Variants in CPEB3 observed in about 807,000 individuals in gnomAD.
CPEB3 encodes the protein cytoplasmic polyadenylation element binding protein 3, also known as cytoplasmic polyadenylation element-binding protein 3.
CPEB3 carries 20 observed loss-of-function variants against 67.2 expected under a neutral mutation model. That is an observed-to-expected ratio of 0.30 (90% CI 0.21 to 0.43). CPEB3 has a LOEUF of 0.43. CPEB3 is among the 20% of genes least tolerant of loss of function. The pLI, the probability that CPEB3 is intolerant of heterozygous loss-of-function variation, is 1.00. For synonymous variants in CPEB3, 376 were observed against 393.1 expected (o/e 0.96, Z 0.51); for missense variants, 746 against 968.6 (o/e 0.77, Z 3.05).
chr10:92,221,071 A>C (rs967174246), intron 2 of CPEB3, among the ~76,000 whole-genome samples: 1 of 152,228 alleles, frequency 6.6e-6, no homozygotes, highest in East Asian at 1.9e-4. Flanking sequence ...CCACCAAATA[A>C]GTGAATGCAG....
intron 3 of CPEB3, among the ~76,000 whole-genome samples, chr10:92,190,392 G>A (rs1247716777): frequency 6.6e-5 from 10 of 151,958 alleles, no homozygotes; most frequent in Non-Finnish European, 1.0e-4. Flanking sequence ...GAGGCTGGGC[G>A]CAGTGGCTCA....
At position 92,153,713 on chromosome 10, in the gene CPEB3, G is replaced by A. The variant is rs138804674; in HGVS notation, c.1223-8628C>T. ...GGCGAATTGCTTGAACTTGGGAGGCGGAGGCTGCAGTGAGCCAAGATTGCA... is the reference window on the plus strand; with the variant it reads ...GGCGAATTGCTTGAACTTGGGAGGCAGAGGCTGCAGTGAGCCAAGATTGCA... On this transcript the variant is annotated intron_variant, in intron 4 of 9. Coordinates refer to ENST00000265997, the MANE Select transcript of CPEB3 (RefSeq NM_014912.5). Among the ~76,000 whole-genome samples the A allele has an allele frequency of 5.8e-3, 878 of 152,208 alleles. 9 individuals carry two copies. The highest frequency in any genetic ancestry group is 0.02 in the African/African-American group (823 of 41,542).
intron 4 of CPEB3, among the ~76,000 whole-genome samples, chr10:92,149,305 A>G (rs1724310258): frequency 6.6e-6 from 1 of 152,226 alleles, no homozygotes; most frequent in South Asian, 2.1e-4. Flanking sequence ...GATACCTATG[A>G]CCATGTTGTC....
intron 2 of CPEB3, chr10:92,216,649 C>G: frequency 6.2e-7 from 1 of 1,607,272 alleles, no homozygotes; most frequent in Non-Finnish European, 8.5e-7. Context: ...TGCCCTATGT[C>G]TATATCCCCT....
rs751979746 is a variant in CPEB3 at position 92,058,588 on chromosome 10, CATACAT to C, written c.1870-6155_1870-6150del. On this transcript the variant is annotated intron_variant, in intron 9 of 9. Transcript: ENST00000265997. Reference sequence around the variant, plus strand: ...ACATACATACATACATACATACATACATACATATATATATATATATAAATTAATTAT... The same window carrying C: ...ACATACATACATACATACATACATACATATATATATATATAAATTAATTAT... Among the ~76,000 whole-genome samples, 157 of 123,962 alleles carry C rather than the reference CATACAT, an allele frequency of 1.3e-3. 1 individual carries two copies. Among genetic ancestry groups the C allele is most frequent in the Middle Eastern group, 8.0e-3 (2 of 250 alleles). 81.3% of individuals were successfully genotyped at this position (123,962 alleles called of 152,430 possible).
intron 1 of CPEB3, among the ~76,000 whole-genome samples, chr10:92,260,980 CT>C (rs1852772711): frequency 6.6e-6 from 1 of 152,092 alleles, no homozygotes; most frequent in African/African-American, 2.4e-5. Flanking sequence ...GTGAGCAAGG[CT>C]GGTCCAGGCC....
At chr10:92,061,999 T>A (rs2134321499) in intron 9 of CPEB3, among the ~76,000 whole-genome samples, 1 of 152,288 alleles carries the variant, frequency 6.6e-6, no homozygotes, top group East Asian at 1.9e-4. Flanking sequence ...CCCAACACTT[T>A]GGGAAGTGGA....
intron 2 of CPEB3, among the ~76,000 whole-genome samples, chr10:92,225,302 A>G (rs1015692061): frequency 2.0e-5 from 3 of 152,266 alleles, no homozygotes; most frequent in Non-Finnish European, 4.4e-5. Context: ...CTGCCTGTCA[A>G]ACTCTGCCCA....
rs139877174 is a variant in CPEB3, at chr10:92,279,639, T to A, written c.-12+11287A>T. ...ACAGAGGTTTGGGATAATAGGAAAC[T>A]TTTAAAGTCAAGTTTTAGGAGCAAC... On this transcript the variant is annotated intron_variant, in intron 1 of 9. Transcript: ENST00000265997. Among the ~76,000 whole-genome samples, 219 of 152,250 alleles carry A rather than the reference T, an allele frequency of 1.4e-3. 1 individual carries two copies. The highest frequency in any genetic ancestry group is 9.1e-3 in the Admixed American group (139 of 15,280).
At chr10:92,064,273 A>G (rs1842468686) in intron 9 of CPEB3, among the ~76,000 whole-genome samples, 1 of 152,346 alleles carries the variant, frequency 6.6e-6, no homozygotes, top group South Asian at 2.1e-4. Context: ...GAAATCTAGC[A>G]AACAGAGGTC....
chr10:92,198,187 G>T (rs1308392889), intron 2 of CPEB3, among the ~76,000 whole-genome samples: 1 of 152,244 alleles, frequency 6.6e-6, no homozygotes, highest in African/African-American at 2.4e-5. Flanking sequence ...GTGAGTGGCA[G>T]AGCCAGGGCT....
At position 92,280,738 on chromosome 10, in the gene CPEB3, CGGTGAGCA is replaced by C. The variant is rs1842249312; in HGVS notation, c.-12+10180_-12+10187del. On this transcript the variant is annotated intron_variant, in intron 1 of 9. Transcript: ENST00000265997. ...ATCTATATACATACAGGCTAATAGACGGTGAGCATCTATTCTTTTTTTTTTTTTTTTTT... is the reference window on the plus strand; with the variant it reads ...ATCTATATACATACAGGCTAATAGACTCTATTCTTTTTTTTTTTTTTTTTT... 2.1e-5 allele frequency among the ~76,000 whole-genome samples: 3 copies of C among 143,994 alleles called. No homozygotes were observed. In the South Asian group the frequency reaches 6.5e-4, roughly 31 times the overall value. The allele number at this position is 143,994 out of a possible 152,430, so 94.5% of individuals were successfully genotyped here. A position where few individuals can be genotyped will look rare whatever the true frequency, so the allele number is the denominator to read the frequency against.
At chr10:92,216,702 C>T (rs1850420391) in intron 2 of CPEB3, 2 of 1,605,882 alleles carry the variant, frequency 1.2e-6, no homozygotes, top group Non-Finnish European at 1.7e-6. Flanking sequence ...AAGCGCCCCA[C>T]CTGTGTGATA....
At chr10:92,237,014 C>T (rs1251184721) in intron 2 of CPEB3, among the ~76,000 whole-genome samples, 3 of 152,078 alleles carry the variant, frequency 2.0e-5, no homozygotes, top group Non-Finnish European at 4.4e-5. Flanking sequence ...TCACATTTGC[C>T]AGAATAAATA....
chr10:92,093,367 A>G (rs1320910582), intron 7 of CPEB3, among the ~76,000 whole-genome samples: 1 of 152,208 alleles, frequency 6.6e-6, no homozygotes, highest in Admixed American at 6.5e-5. Context: ...GCGAAGAAAC[A>G]TATGTGATAA....
chr10:92,259,462 G>A (rs537742033), intron 1 of CPEB3, among the ~76,000 whole-genome samples: 5 of 152,042 alleles, frequency 3.3e-5, no homozygotes, highest in South Asian at 2.1e-4. Flanking sequence ...TTAGCCGGGC[G>A]TGGTGGCACA....
intron 4 of CPEB3, among the ~76,000 whole-genome samples, chr10:92,173,391 G>A (rs1419653030): frequency 6.6e-6 from 1 of 152,058 alleles, no homozygotes; most frequent in Non-Finnish European, 1.5e-5. Context: ...GAACATTTCA[G>A]ACTTCACTTA....
chr10:92,061,419 CAAAAAAAAAAA>C (rs148327302), intron 9 of CPEB3, among the ~76,000 whole-genome samples: 13 of 93,358 alleles, frequency 1.4e-4, no homozygotes, highest in African/African-American at 5.2e-4. Flanking sequence ...AATTCTGTCT[CAAAAAAAAAAA>C]AAAAAAAAAA....
chr10:92,205,513 G>A (rs908733942), intron 2 of CPEB3, among the ~76,000 whole-genome samples: 2 of 114,728 alleles, frequency 1.7e-5, no homozygotes, highest in Non-Finnish European at 3.2e-5. Context: ...GTCTCACTCT[G>A]TCACCCAGGC....
Sources: gnomAD v4.1 joint callset for allele counts (sites outside exome capture counted in the v4.1 genomes callset) on GRCh38, gnomAD v4.1.1 for gene constraint, MANE v1.5 for transcripts, NCBI Gene and HGNC (gene_info 2026-07-23, HGNC 2026-07-21) for gene names.